The following IMMP2L variants were observed in gnomAD, a reference collection of about 807,000 sequenced individuals.
The protein encoded by IMMP2L is mitochondrial inner membrane protease subunit 2.
A neutral mutation model predicts 19.3 loss-of-function variants in IMMP2L; 18 were observed. The observed-to-expected ratio is 0.93, with a 90% CI of 0.64 to 1.38. The LOEUF is 1.38. Ranked by LOEUF, IMMP2L falls within the 40% of genes most tolerant of loss-of-function variation. IMMP2L has a pLI of 0.00. For synonymous variants in IMMP2L, 76 were observed against 73.0 expected, an observed-to-expected ratio of 1.04 and a Z score of -0.21; for missense variants, 233 against 218.2, an observed-to-expected ratio of 1.07 and a Z score of -0.43.
chr7:111,035,823 T>C (rs563425991), intron 3 of IMMP2L, among the ~76,000 whole-genome samples: 67 of 152,280 alleles, frequency 4.4e-4, no homozygotes, highest in African/African-American at 1.5e-3. Flanking sequence ...CTTTCCTAAA[T>C]GGAATCATCT....
chr7:110,794,331 G>A lies in IMMP2L; in HGVS notation c.408+92262C>T, dbSNP rs139972770. ...ATGTTACTCAGCACTAAAAAGAAAT[G>A]AAATTTCAAGCCATAGAAAGACATA... On this transcript the variant is annotated intron_variant, in intron 5 of 5. Coordinates refer to ENST00000405709, the MANE Select transcript of IMMP2L (RefSeq NM_032549.4). 6.6e-5 allele frequency among the ~76,000 whole-genome samples: 10 copies of A among 152,108 alleles called. No homozygotes were observed. The East Asian group carries it at 1.9e-3, about 30-fold the overall frequency.
chr7:111,494,207 A>C (rs1342110473), intron 2 of IMMP2L, among the ~76,000 whole-genome samples: 1 of 152,198 alleles, frequency 6.6e-6, no homozygotes, highest in East Asian at 1.9e-4. Flanking sequence ...AATCTCAGAG[A>C]ATATTTAATC....
intron 1 of IMMP2L, among the ~76,000 whole-genome samples, chr7:111,526,294 T>C (rs778060582): frequency 1.3e-5 from 2 of 152,124 alleles, no homozygotes; most frequent in Non-Finnish European, 2.9e-5. Context: ...CACATAAAAG[T>C]ATTTAAAATT....
intron 5 of IMMP2L, among the ~76,000 whole-genome samples, chr7:110,875,157 G>T (rs971631423): frequency 6.6e-6 from 1 of 152,046 alleles, no homozygotes; most frequent in African/African-American, 2.4e-5. Flanking sequence ...ATGCCCATCT[G>T]GGCAAAAAAG....
chr7:110,836,214 C>T lies in IMMP2L; in HGVS notation c.408+50379G>A, dbSNP rs116262073. Reference sequence around the variant, plus strand: ...CCTGTATTCCCGCTGTTCTATCAACCCACTCAATTCCTACATTCCAGCTGG... The same window carrying T: ...CCTGTATTCCCGCTGTTCTATCAACTCACTCAATTCCTACATTCCAGCTGG... On this transcript the variant is annotated intron_variant, in intron 5 of 5. Coordinates refer to ENST00000405709, the MANE Select transcript of IMMP2L (RefSeq NM_032549.4). 2.6e-3 allele frequency among the ~76,000 whole-genome samples: 397 copies of T among 152,184 alleles called. 4 individuals carry two copies. Among genetic ancestry groups the T allele is most frequent in the African/African-American group, 9.0e-3 (374 of 41,526 alleles).
intron 3 of IMMP2L, among the ~76,000 whole-genome samples, chr7:111,203,615 C>G (rs1214905274): frequency 6.8e-6 from 1 of 146,952 alleles, no homozygotes; most frequent in African/African-American, 2.5e-5. Flanking sequence ...CAAAGAAACC[C>G]AAGGAATTAG....
At chr7:110,719,918 A>G (rs1795465518) in intron 5 of IMMP2L, among the ~76,000 whole-genome samples, 1 of 152,210 alleles carries the variant, frequency 6.6e-6, no homozygotes, top group African/African-American at 2.4e-5. Context: ...CAAGTAAATC[A>G]AATTGGAGAT....
At chr7:111,219,213 A>C (rs1812269031) in intron 3 of IMMP2L, among the ~76,000 whole-genome samples, 2 of 152,186 alleles carry the variant, frequency 1.3e-5, no homozygotes, top group South Asian at 4.1e-4. Context: ...ATTACTAAAA[A>C]ATTTTAAAAG....
intron 5 of IMMP2L, among the ~76,000 whole-genome samples, chr7:110,868,960 T>C (rs989987952): frequency 3.3e-5 from 5 of 152,072 alleles, no homozygotes; most frequent in Non-Finnish European, 7.4e-5. Context: ...ACTCCAATTA[T>C]TTTAATATTC....
intron 3 of IMMP2L, among the ~76,000 whole-genome samples, chr7:111,471,698 AC>A (rs1206763182): frequency 6.6e-6 from 1 of 152,170 alleles, no homozygotes; most frequent in Non-Finnish European, 1.5e-5. Flanking sequence ...ATTTAAAATC[AC>A]ATATATGGCT....
chr7:111,395,254 A>T (rs958553944), intron 3 of IMMP2L, among the ~76,000 whole-genome samples: 3 of 152,178 alleles, frequency 2.0e-5, no homozygotes, highest in African/African-American at 7.2e-5. Context: ...AAAAGTATCA[A>T]GTTATATTTT....
intron 3 of IMMP2L, among the ~76,000 whole-genome samples, chr7:111,002,872 G>T (rs79565852): frequency 0.012 from 1,895 of 152,270 alleles, 30 homozygotes; most frequent in African/African-American, 0.043. Context: ...TTGTGAGTCT[G>T]GTGGGGATGA....
At chr7:110,832,569 T>C (rs1251506794) in intron 5 of IMMP2L, among the ~76,000 whole-genome samples, 1 of 152,116 alleles carries the variant, frequency 6.6e-6, no homozygotes, top group Non-Finnish European at 1.5e-5. Flanking sequence ...TGACCATTGG[T>C]GAACTCAGAA....
At chr7:110,887,079 T>A (rs1265466574) in intron 4 of IMMP2L, among the ~76,000 whole-genome samples, 1 of 152,106 alleles carries the variant, frequency 6.6e-6, no homozygotes, top group Non-Finnish European at 1.5e-5. Context: ...TTCAACTGAT[T>A]CATGCACAAC....
chr7:111,030,976 G>A (rs1790748470), intron 3 of IMMP2L, among the ~76,000 whole-genome samples: 1 of 148,580 alleles, frequency 6.7e-6, no homozygotes, highest in Non-Finnish European at 1.5e-5. Context: ...CATAGGATGG[G>A]AACCAGATTT....
chr7:110,866,588 G>C (rs1808005150), intron 5 of IMMP2L, among the ~76,000 whole-genome samples: 1 of 152,010 alleles, frequency 6.6e-6, no homozygotes, highest in Non-Finnish European at 1.5e-5. Context: ...CTTCCTCAGA[G>C]TCATAACTCT....
Position 111,108,691 on chromosome 7 carries a change from T to TA in IMMP2L, c.240-145127dup, listed in dbSNP as rs931377344. Among the ~76,000 whole-genome samples the TA allele has an allele frequency of 1.1e-4, 17 of 151,976 alleles. No homozygotes were observed. In the South Asian group the frequency reaches 1.2e-3, roughly 11 times the overall value. ...TTACACTTTTGTAATCTCCTGAATT[T>TA]AAAAAAAACATATTTATTTCTGTTT... On this transcript the variant is annotated intron_variant, in intron 3 of 5. Transcript: ENST00000405709.
At chr7:111,411,894 A>G (rs1834468714) in intron 3 of IMMP2L, 1 of 191,380 alleles carries the variant, frequency 5.2e-6, no homozygotes, top group Non-Finnish European at 1.1e-5. Flanking sequence ...ACCCATGTAC[A>G]ATGGAGACCT....
intron 5 of IMMP2L, among the ~76,000 whole-genome samples, chr7:110,685,168 T>C (rs972697636): frequency 5.9e-5 from 9 of 152,124 alleles, no homozygotes; most frequent in African/African-American, 2.2e-4. Context: ...GCAGCATCCA[T>C]GCTCCTGGAG....
Sources: allele counts gnomAD v4.1 joint callset (sites outside exome capture counted in the v4.1 genomes callset), GRCh38; gene constraint gnomAD v4.1.1; transcripts MANE v1.5; gene names NCBI Gene and HGNC (gene_info 2026-07-23, HGNC 2026-07-21).